The following PTPRM variants were observed in gnomAD, a reference collection of about 807,000 sequenced individuals.
The protein encoded by PTPRM is protein tyrosine phosphatase receptor type M.
A neutral mutation model predicts 186.7 loss-of-function variants in PTPRM; 47 were observed. The ratio of observed to expected loss-of-function variants is 0.25; its 90% confidence interval spans 0.20 to 0.32. The LOEUF is 0.32. Ranked by LOEUF, PTPRM falls within the 10% of genes least tolerant of loss-of-function variation. The pLI, the probability that PTPRM is intolerant of heterozygous loss-of-function variation, is 1.00. For synonymous variants in PTPRM, 668 were observed against 674.9 expected (o/e 0.99, Z 0.16); for missense variants, 1,494 against 1,865.0 (o/e 0.80, Z 3.66).
chr18:8,343,162 A>G (rs1462452709), intron 22 of PTPRM, among the ~76,000 whole-genome samples: 10 of 152,202 alleles, frequency 6.6e-5, no homozygotes, highest in Admixed American at 6.5e-4. Flanking sequence ...CTTTCACGGT[A>G]GTAGTTTAAG....
chr18:7,613,518 C>CA (rs1463796767), intron 1 of PTPRM, among the ~76,000 whole-genome samples: 4 of 152,002 alleles, frequency 2.6e-5, no homozygotes, highest in African/African-American at 9.7e-5. Flanking sequence ...ACTAAAAATA[C>CA]AAAAATTAGC....
chr18:7,659,119 C>T (rs1250067556), intron 1 of PTPRM, among the ~76,000 whole-genome samples: 1 of 93,310 alleles, frequency 1.1e-5, no homozygotes, highest in Non-Finnish European at 2.0e-5. Context: ...CATGTATGTA[C>T]ACACACACAC....
intron 7 of PTPRM, among the ~76,000 whole-genome samples, chr18:7,963,024 T>C (rs1002187691): frequency 3.3e-5 from 5 of 152,286 alleles, no homozygotes; most frequent in Admixed American, 2.0e-4. Flanking sequence ...AGTGTTCTAA[T>C]TCTAAAACAG....
At position 7,746,514 on chromosome 18, in the gene PTPRM, G is replaced by A. The variant is rs1050673588; in HGVS notation, c.74-27635G>A. 5.3e-5 allele frequency among the ~76,000 whole-genome samples: 8 copies of A among 151,770 alleles called. No homozygotes were observed. The East Asian group carries it at 1.6e-3, about 29-fold the overall frequency. On this transcript the variant is annotated intron_variant, in intron 1 of 32. Transcript: ENST00000580170. ...GAAGTCTCGCTCTGTCGCCCAAGCC[G>A]GAGTGTAGTGGTGCGATCTTGGCTC...
intron 2 of PTPRM, among the ~76,000 whole-genome samples, chr18:7,874,990 C>T (rs190132170): frequency 2.6e-5 from 4 of 152,080 alleles, no homozygotes; most frequent in Admixed American, 6.6e-5. Context: ...GCCAGGAGTT[C>T]GAGATCAGCC....
intron 1 of PTPRM, among the ~76,000 whole-genome samples, chr18:7,730,158 A>G (rs1185377863): frequency 6.6e-6 from 1 of 152,186 alleles, no homozygotes; most frequent in East Asian, 1.9e-4. Context: ...ACTAAAATGC[A>G]TGATAACTTT....
At chr18:7,613,958 C>T (rs555068317) in intron 1 of PTPRM, among the ~76,000 whole-genome samples, 53 of 152,166 alleles carry the variant, frequency 3.5e-4, no homozygotes, top group African/African-American at 1.2e-3. Flanking sequence ...TACTGGGCTG[C>T]TAGATAGTTA....
At chr18:8,133,757 T>G (rs943856257) in intron 13 of PTPRM, among the ~76,000 whole-genome samples, 2 of 152,230 alleles carry the variant, frequency 1.3e-5, no homozygotes, top group Non-Finnish European at 2.9e-5. Flanking sequence ...GGGTTGGAGT[T>G]AGCTCATGGA....
chr18:7,827,296 T>C lies in PTPRM; in HGVS notation c.196+53025T>C, dbSNP rs1490503297. Among the ~76,000 whole-genome samples, 3 of 152,228 alleles carry C rather than the reference T, an allele frequency of 2.0e-5. 1 individual carries two copies. The highest frequency in any genetic ancestry group is 2.0e-4 in the Admixed American group (3 of 15,282). On this transcript the variant is annotated intron_variant, in intron 2 of 32. Transcript: ENST00000580170. ...ATACATCACTCTCGACTCTCCTGTCTGCCCCTTATTTTTCTTCTCATAGCT... is the reference window on the plus strand; with the variant it reads ...ATACATCACTCTCGACTCTCCTGTCCGCCCCTTATTTTTCTTCTCATAGCT...
intron 23 of PTPRM, among the ~76,000 whole-genome samples, chr18:8,365,271 C>T (rs1221147916): frequency 6.6e-6 from 1 of 152,214 alleles, no homozygotes; most frequent in Non-Finnish European, 1.5e-5. Flanking sequence ...GCCACTTGCA[C>T]TCCCTAGGCC....
At chr18:7,806,659 G>A (rs1441199072) in intron 2 of PTPRM, among the ~76,000 whole-genome samples, 2 of 152,194 alleles carry the variant, frequency 1.3e-5, no homozygotes, top group African/African-American at 4.8e-5. Flanking sequence ...GACTCTGGCC[G>A]CTCTGTGGAG....
intron 1 of PTPRM, among the ~76,000 whole-genome samples, chr18:7,676,490 A>G (rs1249410156): frequency 6.6e-6 from 1 of 152,122 alleles, no homozygotes; most frequent in African/African-American, 2.4e-5. Context: ...AATCAATAAT[A>G]GTGATGTTTT....
chr18:8,286,177 C>T (rs1465059528), intron 19 of PTPRM, among the ~76,000 whole-genome samples: 7 of 152,186 alleles, frequency 4.6e-5, no homozygotes, highest in Admixed American at 4.6e-4. Flanking sequence ...CTGCCTTTGT[C>T]ACTTGCCTCT....
At chr18:7,650,246 A>G (rs1364121436) in intron 1 of PTPRM, among the ~76,000 whole-genome samples, 1 of 152,168 alleles carries the variant, frequency 6.6e-6, no homozygotes, top group Non-Finnish European at 1.5e-5. Flanking sequence ...TGCAGATACT[A>G]AGGGCCAACT....
Position 8,023,444 on chromosome 18 carries a change from G to A in PTPRM, c.1133-46242G>A, listed in dbSNP as rs189025675. Among the ~76,000 whole-genome samples the A allele has an allele frequency of 2.2e-3, 340 of 152,252 alleles. 8 individuals carry two copies. The highest frequency in any genetic ancestry group is 0.019 in the Admixed American group (283 of 15,280). On this transcript the variant is annotated intron_variant, in intron 7 of 32. Coordinates refer to ENST00000580170, the MANE Select transcript of PTPRM (RefSeq NM_001105244.2). ...AAAGACCATATTGGTCATCTTATGT[G>A]TATTTAACTTAGGATAATACTGGAT... is the stretch of plus-strand genomic sequence containing the variant.
At chr18:7,856,628 C>T (rs1284172128) in intron 2 of PTPRM, among the ~76,000 whole-genome samples, 1 of 151,754 alleles carries the variant, frequency 6.6e-6, no homozygotes, top group African/African-American at 2.4e-5. Flanking sequence ...TCTATGGTCC[C>T]ACCTACTCTG....
At chr18:7,973,940 A>G (rs1193434377) in intron 7 of PTPRM, among the ~76,000 whole-genome samples, 1 of 151,034 alleles carries the variant, frequency 6.6e-6, no homozygotes, top group Non-Finnish European at 1.5e-5. Context: ...TTTTATACTT[A>G]GAGTATTTAG....
At chr18:8,354,573 T>G (rs1440299314) in intron 23 of PTPRM, among the ~76,000 whole-genome samples, 1 of 152,154 alleles carries the variant, frequency 6.6e-6, no homozygotes, top group Non-Finnish European at 1.5e-5. Context: ...CCTATTGCTC[T>G]TATCACAGCT....
chr18:7,795,959 A>T (rs986377232), intron 2 of PTPRM, among the ~76,000 whole-genome samples: 15 of 151,832 alleles, frequency 9.9e-5, no homozygotes, highest in African/African-American at 3.6e-4. Flanking sequence ...GACTACAGGC[A>T]TGCACCACTA....
Sources: allele counts gnomAD v4.1 joint callset (sites outside exome capture counted in the v4.1 genomes callset), GRCh38; gene constraint gnomAD v4.1.1; transcripts MANE v1.5; gene names NCBI Gene and HGNC (gene_info 2026-07-23, HGNC 2026-07-21).